Variants in MTHFD2L observed in about 807,000 individuals in gnomAD.
MTHFD2L encodes methylenetetrahydrofolate dehydrogenase (NADP+ dependent) 2 like.
Under a neutral mutation model 34.9 loss-of-function variants are expected in MTHFD2L, and 29 were observed. The observed-to-expected ratio is 0.83, with a 90% confidence interval of 0.62 to 1.13. The LOEUF (loss-of-function observed/expected upper bound fraction) is 1.13. MTHFD2L is among the 50% of genes most tolerant of loss of function. MTHFD2L has a pLI of 0.00. For synonymous variants in MTHFD2L, 167 were observed against 155.7 expected (o/e 1.07, Z -0.54); for missense variants, 481 against 446.5 (o/e 1.08, Z -0.70).
chr4:74,151,100 T>C (rs1723911126), intron 1 of MTHFD2L, among the ~76,000 whole-genome samples: 1 of 151,924 alleles, frequency 6.6e-6, no homozygotes, highest in African/African-American at 2.4e-5. Context: ...TTGACATGTA[T>C]ATAGATATAT....
intron 6 of MTHFD2L, among the ~76,000 whole-genome samples, chr4:74,249,159 G>A (rs1742943805): frequency 6.6e-6 from 1 of 150,496 alleles, no homozygotes; most frequent in Admixed American, 6.6e-5. Flanking sequence ...ATGAATCTGG[G>A]TGCTCCTGTA....
intron 6 of MTHFD2L, among the ~76,000 whole-genome samples, chr4:74,236,521 AC>A (rs1740861861): frequency 6.6e-6 from 1 of 152,116 alleles, no homozygotes; most frequent in Non-Finnish European, 1.5e-5. Flanking sequence ...TTATTCCTTC[AC>A]ACTTGTGGTA....
chr4:74,124,388 A>T (rs1233302418), upstream of MTHFD2L, among the ~76,000 whole-genome samples: 5 of 151,870 alleles, frequency 3.3e-5, no homozygotes, highest in Admixed American at 1.3e-4. Context: ...TATAAATAAC[A>T]TTATAGCATC....
intron 6 of MTHFD2L, among the ~76,000 whole-genome samples, chr4:74,270,772 T>A (rs573865098): frequency 2.0e-4 from 30 of 152,190 alleles, no homozygotes; most frequent in Non-Finnish European, 3.7e-4. Context: ...GTTGAACTAG[T>A]TTACAGTCCC....
chr4:74,195,306 A>C (rs1364877431), intron 3 of MTHFD2L: 2 of 152,228 alleles, frequency 1.3e-5, no homozygotes, highest in African/African-American at 4.8e-5. Context: ...AATGTGATCA[A>C]ATATGTACTT....
rs201853207 is a variant in MTHFD2L, at chr4:74,247,490, G to T, written c.805+22096G>T. Among the ~76,000 whole-genome samples, 375 of 151,960 alleles carry T rather than the reference G, an allele frequency of 2.5e-3. 1 individual carries two copies. Among genetic ancestry groups the T allele is most frequent in the African/African-American group, 8.1e-3 (335 of 41,438 alleles). On this transcript the variant is annotated intron_variant, in intron 6 of 7. Coordinates refer to ENST00000325278, the MANE Select transcript of MTHFD2L (RefSeq NM_001144978.3). ...CTTTATTTCCTTCTCCTGCCTAATTGCCCTGGCCAGAACTTCCAACACTAT... is the reference window on the plus strand; with the variant it reads ...CTTTATTTCCTTCTCCTGCCTAATTTCCCTGGCCAGAACTTCCAACACTAT...
upstream of MTHFD2L, among the ~76,000 whole-genome samples, chr4:74,154,311 C>A (rs1560416690): frequency 6.6e-6 from 1 of 152,128 alleles, no homozygotes; most frequent in East Asian, 1.9e-4. Flanking sequence ...AAGTTACTCT[C>A]TTTTCCCATT....
intron 3 of MTHFD2L, among the ~76,000 whole-genome samples, chr4:74,199,577 T>C (rs1734058352): frequency 6.6e-6 from 1 of 152,090 alleles, no homozygotes; most frequent in African/African-American, 2.4e-5. Flanking sequence ...GGCTCTGGAA[T>C]AGCATATACT....
upstream of MTHFD2L, chr4:74,123,455 C>A (rs1377831671): frequency 6.6e-6 from 1 of 152,088 alleles, no homozygotes; most frequent in Non-Finnish European, 1.5e-5. Context: ...ATAGAGTTTT[C>A]TTTTGTCTAA....
chr4:74,145,341 A>G (rs962919290), intron 1 of MTHFD2L, among the ~76,000 whole-genome samples: 10 of 152,236 alleles, frequency 6.6e-5, no homozygotes, highest in Admixed American at 3.9e-4. Context: ...GAGATGATTT[A>G]AAATATACAG....
chr4:74,161,775 A>G (rs551301148), intron 1 of MTHFD2L: 2 of 152,266 alleles, frequency 1.3e-5, no homozygotes, highest in South Asian at 4.1e-4. Flanking sequence ...ATTCTTTCCT[A>G]TTAGTACCCT....
chr4:74,187,304 T>C (rs1731481461), intron 3 of MTHFD2L, among the ~76,000 whole-genome samples: 1 of 152,048 alleles, frequency 6.6e-6, no homozygotes, highest in Non-Finnish European at 1.5e-5. Context: ...GAATAGAATG[T>C]CAAAGAACTG....
rs142062506 is a variant in MTHFD2L at position 74,187,253 on chromosome 4, C to T, written c.451+11850C>T. ...TGAAGTTATGCCAGTAGAAATTTCT[C>T]AAAATAAAACACAAAGAGGAAAAAA... On this transcript the variant is annotated intron_variant, in intron 3 of 7. Transcript: ENST00000325278. 7.1e-4 allele frequency among the ~76,000 whole-genome samples: 108 copies of T among 151,630 alleles called. 1 individual carries two copies. The East Asian group carries it at 0.019, about 26-fold the overall frequency.
intron 7 of MTHFD2L, among the ~76,000 whole-genome samples, chr4:74,289,354 C>G (rs1748594400): frequency 6.6e-6 from 1 of 152,052 alleles, no homozygotes; most frequent in African/African-American, 2.4e-5. Context: ...AATGCAAGAC[C>G]TTGAGGGGGG....
At chr4:74,205,909 G>A (rs959128073) in intron 5 of MTHFD2L, among the ~76,000 whole-genome samples, 3 of 152,038 alleles carry the variant, frequency 2.0e-5, no homozygotes, top group Non-Finnish European at 4.4e-5. Flanking sequence ...ATAAAATTTG[G>A]TATCCCTAAA....
At chr4:74,189,493 T>C (rs921292492) in intron 3 of MTHFD2L, among the ~76,000 whole-genome samples, 5 of 147,722 alleles carry the variant, frequency 3.4e-5, no homozygotes, top group African/African-American at 1.3e-4. Context: ...TCCTTTTTTT[T>C]TTTTTTTTTT....
intron 6 of MTHFD2L, among the ~76,000 whole-genome samples, chr4:74,243,544 GT>G (rs1204532346): frequency 6.6e-6 from 1 of 150,886 alleles, no homozygotes; most frequent in Non-Finnish European, 1.5e-5. Flanking sequence ...TGTTTTATTT[GT>G]TTGATTTTAA....
chr4:74,191,196 G>A (rs888016694), intron 3 of MTHFD2L, among the ~76,000 whole-genome samples: 48 of 152,210 alleles, frequency 3.2e-4, no homozygotes, highest in African/African-American at 1.1e-3. Context: ...AAGTGTTGAC[G>A]TGAGCCACTG....
Position 74,191,294 on chromosome 4 carries a change from A to G in MTHFD2L, c.452-8500A>G, listed in dbSNP as rs201298439. Among the ~76,000 whole-genome samples, 49 of 151,906 alleles carry G rather than the reference A, an allele frequency of 3.2e-4. No homozygotes were observed. In the East Asian group the frequency reaches 8.5e-3, roughly 26 times the overall value. On this transcript the variant is annotated intron_variant, in intron 3 of 7. Transcript: ENST00000325278. ...ATTTGTTGAGTAAATAAATGATTGAATTTTCAAGGGCATTGTATACACACT... is the reference window on the plus strand; with the variant it reads ...ATTTGTTGAGTAAATAAATGATTGAGTTTTCAAGGGCATTGTATACACACT...
Sources: allele counts gnomAD v4.1 joint callset (sites outside exome capture counted in the v4.1 genomes callset), GRCh38; gene constraint gnomAD v4.1.1; transcripts MANE v1.5; gene names NCBI Gene and HGNC (gene_info 2026-07-23, HGNC 2026-07-21).